TLN1: variants seen among roughly 807,000 people sequenced by gnomAD.
TLN1 encodes the protein talin 1, also known as talin-1.
Under a neutral mutation model 292.3 loss-of-function variants are expected in TLN1, and 56 were observed. The ratio of observed to expected loss-of-function variants is 0.19; its 90% CI spans 0.15 to 0.24. The LOEUF (loss-of-function observed/expected upper bound fraction) is 0.24. Ranked by LOEUF, TLN1 falls within the 10% of genes least tolerant of loss-of-function variation. TLN1 has a pLI of 1.00. For missense variants in TLN1, 2,433 were observed against 3,248.2 expected, an observed-to-expected ratio of 0.75 and a Z score of 6.10; for synonymous variants, 1,119 against 1,253.7, an observed-to-expected ratio of 0.89 and a Z score of 2.27.
Position 35,716,388 on chromosome 9 carries a change from A to G in TLN1, c.2625+2T>C. 6.2e-7 allele frequency: 1 copy of G among 1,614,092 alleles called. No homozygotes were observed. Among genetic ancestry groups the G allele is most frequent in the Non-Finnish European group, 8.5e-7 (1 of 1,179,992 alleles). ...TGGGAGTGTGCACAGAAGGCTTTGT[A>G]CCTTGGCAGCCTCTACCATCTTGGC... is the stretch of plus-strand genomic sequence containing the variant. On this transcript the variant is annotated splice_donor_variant, in intron 20 of 56. Coordinates refer to ENST00000314888, the MANE Select transcript of TLN1 (RefSeq NM_006289.4). LOFTEE classifies it high-confidence loss of function.
At position 35,732,150 on chromosome 9, in the gene TLN1, C is replaced by G. The variant is rs1011603163; in HGVS notation, c.-109G>C. Reference sequence around the variant, plus strand: ...TCTCGGGTCGCCCTCGGGCTCCGGCCTCGCCCTCCCTTCGACACTCTCTCG... The same window carrying G: ...TCTCGGGTCGCCCTCGGGCTCCGGCGTCGCCCTCCCTTCGACACTCTCTCG... On this transcript the variant is annotated 5_prime_UTR_variant, in exon 1 of 57. Transcript: ENST00000314888. The surrounding 1 kb of genome is among the most constrained non-coding windows in gnomAD (Gnocchi z 5.1). 6.5e-6 allele frequency: 1 copy of G among 153,636 alleles called. No homozygotes were observed. The highest frequency in any genetic ancestry group is 1.5e-5 in the Non-Finnish European group (1 of 68,664). The allele number at this position is 153,636 out of a possible 1,614,324, so 9.5% of individuals were successfully genotyped here.
chr9:35,711,979 T>C (rs1825678906), intron 28 of TLN1, 26 bp downstream of exon 28: 2 of 1,611,140 alleles, frequency 1.2e-6, no homozygotes, highest in Admixed American at 1.7e-5. Context: ...ACTCCTACGT[T>C]CCCCCACCCC....
At chr9:35,709,217 C>T (rs892107791) in intron 33 of TLN1, among the ~76,000 whole-genome samples, 16 of 152,192 alleles carry the variant, frequency 1.1e-4, no homozygotes, top group African/African-American at 3.4e-4. Context: ...ATCACTTGAA[C>T]CCGGGAGGCG....
intron 8 of TLN1, among the ~76,000 whole-genome samples, 181 bp downstream of exon 8, chr9:35,722,680 T>C (rs534549164): frequency 2.2e-4 from 33 of 152,346 alleles, no homozygotes; most frequent in African/African-American, 7.7e-4. Flanking sequence ...AAAGCAGGGA[T>C]GGAGCTGAGA....
At position 35,697,222 on chromosome 9, in the gene TLN1, C is replaced by T. The variant is rs966354080; in HGVS notation, c.*569G>A. The T allele has an allele frequency of 2.0e-5, 3 of 152,992 alleles. No homozygotes were observed. The highest frequency in any genetic ancestry group is 7.2e-5 in the African/African-American group (3 of 41,458). 9.5% of individuals were successfully genotyped at this position (152,992 alleles called of 1,614,324 possible). A position where few individuals can be genotyped will look rare whatever the true frequency, so the allele number is the denominator to read the frequency against. ...GGAAGGGACCTCAGGTGCAGACTGC[C>T]AGTCTTCCCCTCTCCCATTTCAAGC... On this transcript the variant is annotated 3_prime_UTR_variant, in exon 57 of 57. Transcript: ENST00000314888.
intron 27 of TLN1, 116 bp from the exon 28 acceptor site, chr9:35,712,240 G>T: frequency 7.2e-7 from 1 of 1,382,438 alleles, no homozygotes; most frequent in Non-Finnish European, 9.6e-7. Context: ...AAAAAGAAAG[G>T]GGGCGTTGTA....
Position 35,719,277 on chromosome 9 carries a change from G to A in TLN1, c.1693C>T (p.Pro565Ser), listed in dbSNP as rs770773021. ...ACTGCGGTATAGTCTGTCTCAGCAG[G>A]GTCCCCTAAGGGGAAAAGGAGAAAG... ...ASVVNLTAGDPAETDYTAVGC... is the reference protein window; with the variant it reads ...ASVVNLTAGDSAETDYTAVGC... Residue 565 changes from proline to serine, a missense_variant, in exon 16 of 57, where the codon CCT (proline) becomes TCT (serine). Physicochemically the swap from Pro to Ser is moderately conservative, Grantham distance 74. Around this residue, in one of 7 missense-constraint regions of TLN1, gnomAD observed 617 missense variants for 770.6 expected, o/e 0.80. Transcript: ENST00000314888. This position sits in a 1 kb window ranked among gnomAD's most constrained non-coding sequence, Gnocchi z 4.6. 4.3e-6 allele frequency: 7 copies of A among 1,612,396 alleles called. No homozygotes were observed. The Admixed American group carries it at 1.0e-4, about 23-fold the overall frequency.
At position 35,720,821 on chromosome 9, in the gene TLN1, G is replaced by A. The variant is rs747994500; in HGVS notation, c.1197C>T (p.Ile399=). 1.4e-5 allele frequency: 23 copies of A among 1,613,900 alleles called. 1 individual carries two copies. The South Asian group carries it at 2.3e-4, about 16-fold the overall frequency. The change falls in exon 11 of 57, where the codon ATC becomes ATT. Residue 399 remains isoleucine, a synonymous_variant. Coordinates refer to ENST00000314888, the MANE Select transcript of TLN1 (RefSeq NM_006289.4). ...AQLIAGYIDI[I]LKKKKSKDHF... ...GGCAGGCAGTGCTCACCTTCTTCAG[G>A]ATGATATCGATGTAGCCGGCAATGA... is the stretch of plus-strand genomic sequence containing the variant.
chr9:35,716,258 G>T, intron 20 of TLN1, 132 bp downstream of exon 20: 3 of 914,690 alleles, frequency 3.3e-6, no homozygotes, highest in Admixed American at 2.9e-5. Context: ...TTCATTTCCT[G>T]AGTGCTCCTA....
In TLN1 at chr9:35,721,789, CCCTTT is replaced by C; in HGVS notation, c.958_962del (p.Lys320GlufsTer21). ...GAAGCCTGGGCACTAGCTTGTTCTT[CCCTTT>C]CATTTTTTCCTATGAGGCAGAGGTT... On this transcript the variant is annotated frameshift_variant, in exon 10 of 57. Transcript: ENST00000314888. LOFTEE classifies it high-confidence loss of function. The C allele has an allele frequency of 6.2e-7, 1 of 1,610,100 alleles. No individual in the cohort carries two copies. Among genetic ancestry groups the C allele is most frequent in the Non-Finnish European group, 8.5e-7 (1 of 1,176,530 alleles).
intron 3 of TLN1, 34 bp downstream of exon 3, chr9:35,725,190 G>A (rs1465308893): frequency 6.2e-7 from 1 of 1,607,302 alleles, no homozygotes; most frequent in African/African-American, 1.3e-5. Flanking sequence ...CTGATGGAAG[G>A]GGATGTGGTG....
Position 35,705,697 on chromosome 9 carries a change from A to G in TLN1, c.5614-27T>C, listed in dbSNP as rs1346763731. Reference sequence around the variant, plus strand: ...TGGTGATAATGGAACGAGTGAAGTTATATCCAAAGTCAGCTCTCCGAGGGC... The same window carrying G: ...TGGTGATAATGGAACGAGTGAAGTTGTATCCAAAGTCAGCTCTCCGAGGGC... On this transcript the variant is annotated intron_variant, in intron 42 of 56. Transcript: ENST00000314888. The G allele has an allele frequency of 9.3e-6, 15 of 1,613,846 alleles. No homozygotes were observed. In the South Asian group the frequency reaches 1.6e-4, roughly 18 times the overall value.
chr9:35,724,492 A>G lies in TLN1; in HGVS notation c.511+80T>C. ...CTGATGTATCCCCAGGGTGTAAAAC[A>G]GTGCCTGGCAGAAGCAGATGCTGAA... On this transcript the variant is annotated intron_variant, in intron 5 of 56. Transcript: ENST00000314888. This position sits in a 1 kb window ranked among gnomAD's most constrained non-coding sequence, Gnocchi z 4.7. The G allele has an allele frequency of 6.3e-7, 1 of 1,575,104 alleles. No homozygotes were observed. Among genetic ancestry groups the G allele is most frequent in the Non-Finnish European group, 8.6e-7 (1 of 1,159,204 alleles).
In TLN1 at chr9:35,702,080, G is replaced by A. The variant is rs1587976412; in HGVS notation, c.6474+1480C>T. Among the ~76,000 whole-genome samples the A allele has an allele frequency of 2.6e-5, 4 of 152,322 alleles. No homozygotes were observed. The South Asian group carries it at 8.3e-4, about 32-fold the overall frequency. On this transcript the variant is annotated intron_variant, in intron 48 of 56. Coordinates refer to ENST00000314888, the MANE Select transcript of TLN1 (RefSeq NM_006289.4). ...AGCCAAATTGCGGGAGAGTATGGAA[G>A]TGTGAACCAGAGTGCGGACAGGGAA...
At position 35,698,289 on chromosome 9, in the gene TLN1, C is replaced by T. The variant is rs1825403015; in HGVS notation, c.7371+34G>A. The T allele has an allele frequency of 2.5e-6, 4 of 1,612,156 alleles. No individual in the cohort carries two copies. The highest frequency in any genetic ancestry group is 3.4e-6 in the Non-Finnish European group (4 of 1,178,734). On this transcript the variant is annotated intron_variant, in intron 55 of 56. Transcript: ENST00000314888. The surrounding 1 kb of genome is among the most constrained non-coding windows in gnomAD (Gnocchi z 5.3). ...GGAGTGACAGTTTGAAGCAGTATAG[C>T]CCAAGGGACAATGGGATGGGTCAGG...
chr9:35,708,029 G>T, intron 34 of TLN1, 137 bp from the exon 35 acceptor site: 1 of 1,053,998 alleles, frequency 9.5e-7, no homozygotes, highest in Non-Finnish European at 1.4e-6. Context: ...CACCTGAAAA[G>T]TCAAGATCTA....
chr9:35,711,746 T>G lies in TLN1; in HGVS notation c.3728A>C (p.Asn1243Thr), dbSNP rs1357010116. The G allele has an allele frequency of 9.3e-6, 15 of 1,614,116 alleles. No homozygotes were observed. Among genetic ancestry groups the G allele is most frequent in the Non-Finnish European group, 1.2e-5 (14 of 1,180,026 alleles). Residue 1243 changes from asparagine (N) to threonine (T), a missense_variant, in exon 29 of 57, where the codon AAT (asparagine) becomes ACT (threonine). Asn to Thr is a moderately conservative substitution (Grantham distance 65, BLOSUM62 0). Around this residue, in one of 7 missense-constraint regions of TLN1, gnomAD observed 1,384 missense variants for 1,699.6 expected, o/e 0.81. Coordinates refer to ENST00000314888, the MANE Select transcript of TLN1 (RefSeq NM_006289.4). ...GTFQEAQSRL[N>T]EAAAGLNQAA... is the part of the protein sequence containing the mutation. ...CTGATTCAGCCCAGCAGCAGCTTCA[T>G]TCAACCGGCTCTGAGCTTCTTGAAA... is the stretch of plus-strand genomic sequence containing the variant.
chr9:35,705,937 T>C, intron 41 of TLN1, 25 bp downstream of exon 41: 1 of 1,614,038 alleles, frequency 6.2e-7, no homozygotes, highest in Non-Finnish European at 8.5e-7. Context: ...AGCCTCAGTG[T>C]CCAAAGGCAC....
chr9:35,713,906 G>C (rs1825726705), intron 25 of TLN1, 47 bp downstream of exon 25: 1 of 1,610,590 alleles, frequency 6.2e-7, no homozygotes, highest in Non-Finnish European at 8.5e-7. Context: ...CGGAGGTGAA[G>C]GAAGACTTTA....
Sources: gnomAD v4.1 joint callset for allele counts (sites outside exome capture counted in the v4.1 genomes callset) on GRCh38, gnomAD v4.1.1 for gene constraint, gnomAD v4.1.1 regional missense constraint, Gnocchi (gnomAD v3.1) non-coding constraint, MANE v1.5 for transcripts, NCBI Gene and HGNC (gene_info 2026-07-23, HGNC 2026-07-21) for gene names.